TENM2: variants seen among roughly 807,000 people sequenced by gnomAD.
TENM2 encodes the protein teneurin-2.
TENM2 carries 52 observed loss-of-function variants against 245.2 expected under a neutral mutation model. The ratio of observed to expected loss-of-function variants is 0.21; its 90% CI spans 0.17 to 0.27. TENM2 has a LOEUF of 0.27. TENM2 is among the 10% of genes least tolerant of loss of function. TENM2 has a pLI of 1.00. For synonymous variants in TENM2, 1,363 were observed against 1,438.9 expected (o/e 0.95, Z 1.19); for missense variants, 3,046 against 3,666.8 (o/e 0.83, Z 4.37).
At chr5:168,192,363 A>G (rs1370842875) in intron 14 of TENM2, among the ~76,000 whole-genome samples, 2 of 152,174 alleles carry the variant, frequency 1.3e-5, no homozygotes, top group Non-Finnish European at 2.9e-5. Context: ...ACCCACCACC[A>G]TCATTCACCA....
chr5:167,875,385 G>A (rs1190300563), intron 2 of TENM2, among the ~76,000 whole-genome samples: 2 of 152,116 alleles, frequency 1.3e-5, no homozygotes, highest in Non-Finnish European at 2.9e-5. Flanking sequence ...AGAGAATAAG[G>A]GGCCACGTGG....
At chr5:167,071,664 G>T in the TENM2 span, among the ~76,000 whole-genome samples, 1 of 152,050 alleles carries the variant, frequency 6.6e-6, no homozygotes, top group African/African-American at 2.4e-5. Flanking sequence ...AAAATAGATG[G>T]TAATTATCCT....
intron 9 of TENM2, among the ~76,000 whole-genome samples, chr5:168,105,890 A>G (rs1794202587): frequency 6.6e-6 from 1 of 152,098 alleles, no homozygotes; most frequent in Admixed American, 6.5e-5. Context: ...TTTAATTATT[A>G]TTCCTTTCCC....
Position 167,494,788 on chromosome 5 carries a change from T to G in TENM2, c.502+119315T>G, listed in dbSNP as rs1283544953. 2.0e-5 allele frequency among the ~76,000 whole-genome samples: 3 copies of G among 152,142 alleles called. No individual in the cohort carries two copies. In the East Asian group the frequency reaches 5.8e-4, roughly 29 times the overall value. On this transcript the variant is annotated intron_variant, in intron 2 of 28. Transcript: ENST00000518659. ...ATTTTTCTAACTGTCTACCTTAGTCTGTTATGAGCAAGACTTGAAGTTGGA... is the reference window on the plus strand; with the variant it reads ...ATTTTTCTAACTGTCTACCTTAGTCGGTTATGAGCAAGACTTGAAGTTGGA...
At chr5:167,457,527 A>G (rs1765998880) in intron 2 of TENM2, among the ~76,000 whole-genome samples, 1 of 151,814 alleles carries the variant, frequency 6.6e-6, no homozygotes, top group African/African-American at 2.4e-5. Flanking sequence ...TTGTATTTTT[A>G]GTAGAGATGG....
intron 2 of TENM2, among the ~76,000 whole-genome samples, chr5:167,491,993 A>G (rs926300763): frequency 1.3e-5 from 2 of 152,192 alleles, no homozygotes; most frequent in African/African-American, 4.8e-5. Flanking sequence ...CAATGGAAAG[A>G]GGAACGCTTT....
chr5:168,182,677 G>A (rs1760017112), intron 13 of TENM2, among the ~76,000 whole-genome samples: 1 of 152,166 alleles, frequency 6.6e-6, no homozygotes, highest in Non-Finnish European at 1.5e-5. Flanking sequence ...CGGGCCCTGA[G>A]CTTTGGGATG....
chr5:167,211,928 A>G, the TENM2 span, among the ~76,000 whole-genome samples: 1 of 152,162 alleles, frequency 6.6e-6, no homozygotes, highest in Admixed American at 6.5e-5. Context: ...TATAAGATGA[A>G]TTATATTATT....
intron 2 of TENM2, among the ~76,000 whole-genome samples, chr5:167,404,463 G>T (rs1295781644): frequency 1.3e-5 from 2 of 152,094 alleles, no homozygotes; most frequent in African/African-American, 4.8e-5. Context: ...GAGTTCATAC[G>T]AGTTAAAAGG....
the TENM2 span, among the ~76,000 whole-genome samples, chr5:167,246,375 A>G: frequency 6.6e-5 from 10 of 152,110 alleles, no homozygotes; most frequent in African/African-American, 2.4e-4. Flanking sequence ...ATACCTATGC[A>G]AAATGTTTTC....
intron 1 of TENM2, among the ~76,000 whole-genome samples, chr5:167,372,051 G>C (rs565937954): frequency 2.0e-4 from 30 of 152,192 alleles, no homozygotes; most frequent in African/African-American, 7.2e-4. Context: ...TTGGCAAGGA[G>C]TGAACCTGTT....
chr5:168,102,542 A>G (rs2152289726), intron 9 of TENM2, among the ~76,000 whole-genome samples: 1 of 152,328 alleles, frequency 6.6e-6, no homozygotes, highest in Middle Eastern at 3.4e-3. Flanking sequence ...AAGAATGCCA[A>G]AAGGGGACTT....
chr5:167,910,527 G>A (rs1183717516), intron 3 of TENM2, among the ~76,000 whole-genome samples: 4 of 152,032 alleles, frequency 2.6e-5, no homozygotes, highest in Non-Finnish European at 5.9e-5. Context: ...CAAACAAAAA[G>A]AAACCTTCTA....
intron 1 of TENM2, among the ~76,000 whole-genome samples, chr5:167,361,536 C>T (rs1759718147): frequency 6.6e-6 from 1 of 152,174 alleles, no homozygotes; most frequent in South Asian, 2.1e-4. Flanking sequence ...TTCTCTACTC[C>T]TAAAATTGCC....
chr5:167,736,680 G>C (rs1216171733), intron 2 of TENM2, among the ~76,000 whole-genome samples: 1 of 133,158 alleles, frequency 7.5e-6, no homozygotes, highest in Non-Finnish European at 1.5e-5. Context: ...AGAAGCCCTG[G>C]CTCAGGAAAA....
the TENM2 span, among the ~76,000 whole-genome samples, chr5:167,135,875 C>G: frequency 1.3e-5 from 2 of 152,174 alleles, no homozygotes; most frequent in Non-Finnish European, 2.9e-5. Context: ...TCTTGGTTAT[C>G]TGTCCTGGTT....
chr5:167,964,893 A>G (rs1453766970), intron 4 of TENM2, among the ~76,000 whole-genome samples: 1 of 152,216 alleles, frequency 6.6e-6, no homozygotes. Flanking sequence ...AAGTCACTGA[A>G]GCTTTTTAAG....
At chr5:166,987,116 T>C in the TENM2 span, among the ~76,000 whole-genome samples, 1 of 152,152 alleles carries the variant, frequency 6.6e-6, no homozygotes, top group African/African-American at 2.4e-5. Context: ...GGGGCACTGG[T>C]TCTTTTTATA....
chr5:167,538,999 G>A (rs1344698602), intron 2 of TENM2, among the ~76,000 whole-genome samples: 2 of 152,210 alleles, frequency 1.3e-5, no homozygotes, highest in East Asian at 3.9e-4. Flanking sequence ...CTAAGAAAAC[G>A]ATAATCTCAT....
Sources: gnomAD v4.1 joint callset for allele counts (sites outside exome capture counted in the v4.1 genomes callset) on GRCh38, gnomAD v4.1.1 for gene constraint, MANE v1.5 for transcripts, NCBI Gene and HGNC (gene_info 2026-07-23, HGNC 2026-07-21) for gene names.